Variants in CCR7 observed in about 807,000 individuals in gnomAD.
The protein encoded by CCR7 is C-C chemokine receptor type 7.
A neutral mutation model predicts 26.0 loss-of-function variants in CCR7; 11 were observed. The observed-to-expected ratio is 0.42, with a 90% CI of 0.27 to 0.70. CCR7 has a LOEUF of 0.70. Among genes scored for constraint, CCR7 ranks in the 30% least tolerant of loss-of-function variants. The pLI, the probability that CCR7 is intolerant of heterozygous loss-of-function variation, is 0.23. For synonymous variants in CCR7, 189 were observed against 202.1 expected, an observed-to-expected ratio of 0.94 and a Z score of 0.55; for missense variants, 360 against 504.0, an observed-to-expected ratio of 0.71 and a Z score of 2.74.
chr17:40,555,706 G>C lies in CCR7; in HGVS notation c.173C>G (p.Ala58Gly), dbSNP rs1412136603. The C allele has an allele frequency of 1.2e-6, 2 of 1,613,990 alleles. No individual in the cohort carries two copies. The highest frequency in any genetic ancestry group is 1.7e-6 in the Non-Finnish European group (2 of 1,179,996). ...CSKKDVRNFKAWFLPIMYSII... is the reference protein window; with the variant it reads ...CSKKDVRNFKGWFLPIMYSII... ...GGAGTACATGATAGGGAGGAACCAG[G>C]CTTTAAAGTTCCGCACGTCCTTCTT... Residue 58 changes from alanine to glycine, a missense_variant, in exon 3 of 3, where the codon GCC becomes GGC. Ala to Gly is a moderately conservative substitution (Grantham distance 60). Coordinates refer to ENST00000246657, the MANE Select transcript of CCR7 (RefSeq NM_001838.4). This position sits in a 1 kb window ranked among gnomAD's most constrained non-coding sequence, Gnocchi z 5.6.
In CCR7 at chr17:40,554,602, A is replaced by T. The variant is rs2036556635; in HGVS notation, c.*140T>A. 2 of 697,510 alleles carry T rather than the reference A, an allele frequency of 2.9e-6. No homozygotes were observed. The highest frequency in any genetic ancestry group is 5.0e-6 in the Non-Finnish European group (2 of 401,094). 43.2% of individuals were successfully genotyped at this position (697,510 alleles called of 1,614,324 possible). A position where few individuals can be genotyped will look rare whatever the true frequency, so the allele number is the denominator to read the frequency against. On this transcript the variant is annotated 3_prime_UTR_variant, in exon 3 of 3. Coordinates refer to ENST00000246657, the MANE Select transcript of CCR7 (RefSeq NM_001838.4). ...TTGGGGTGAAGCTATCTTCTGGAGC[A>T]GGGGCTTGCACTCTGAGGGGAGAGC...
chr17:40,556,876 T>C (rs2036592620), intron 2 of CCR7, among the ~76,000 whole-genome samples: 1 of 152,152 alleles, frequency 6.6e-6, no homozygotes, highest in Non-Finnish European at 1.5e-5. Flanking sequence ...GGCAAACTGC[T>C]GTGATCATGG....
At chr17:40,559,431 A>G (rs1444490006) in intron 1 of CCR7, among the ~76,000 whole-genome samples, 2 of 152,248 alleles carry the variant, frequency 1.3e-5, no homozygotes, top group South Asian at 2.1e-4. Context: ...CCTGGCATCC[A>G]GGTGAGTGCG....
intron 1 of CCR7, among the ~76,000 whole-genome samples, chr17:40,563,963 C>A (rs1223933581): frequency 6.6e-6 from 1 of 152,066 alleles, no homozygotes; most frequent in East Asian, 1.9e-4. Flanking sequence ...TACCAGTGCT[C>A]CACCCCGGGG....
In CCR7 at chr17:40,557,365, C is replaced by T. The variant is rs142301435; in HGVS notation, c.60+1528G>A. Among the ~76,000 whole-genome samples, 19 of 152,370 alleles carry T rather than the reference C, an allele frequency of 1.2e-4. No homozygotes were observed. In the East Asian group the frequency reaches 1.5e-3, roughly 12 times the overall value. On this transcript the variant is annotated intron_variant, in intron 2 of 2. Coordinates refer to ENST00000246657, the MANE Select transcript of CCR7 (RefSeq NM_001838.4). ...GGAACCAGATTCAGCAGCTCAGCGA[C>T]GGTGGGTTTCTATCCATTTATGCTG...
rs557760418 is a variant in CCR7, at chr17:40,558,881, A to G, written c.60+12T>C. On this transcript the variant is annotated intron_variant, in intron 2 of 2. Transcript: ENST00000246657. ...AGAAGGGAACAGAGCTTTCCTTGGC[A>G]GAGAACCTCACCTGGAAAATGACAA... The G allele has an allele frequency of 5.6e-6, 9 of 1,612,880 alleles. No individual in the cohort carries two copies. In the African/African-American group the frequency reaches 8.0e-5, roughly 14 times the overall value.
rs533358233 is a variant in CCR7 at position 40,559,293 on chromosome 17, T to G, written c.11-351A>C. On this transcript the variant is annotated intron_variant, in intron 1 of 2. Coordinates refer to ENST00000246657, the MANE Select transcript of CCR7 (RefSeq NM_001838.4). ...ACCCCTCAAGACTGAGCTTGGTTGGTGGGTCTGAGTGCCCCCTCCCACTCC... is the reference window on the plus strand; with the variant it reads ...ACCCCTCAAGACTGAGCTTGGTTGGGGGGTCTGAGTGCCCCCTCCCACTCC... Among the ~76,000 whole-genome samples, 8 of 152,260 alleles carry G rather than the reference T, an allele frequency of 5.3e-5. No individual in the cohort carries two copies. The East Asian group carries it at 1.5e-3, about 29-fold the overall frequency.
chr17:40,565,290 G>A lies in CCR7; in HGVS notation c.10+110C>T. The A allele has an allele frequency of 1.1e-5, 10 of 946,622 alleles. No homozygotes were observed. The South Asian group carries it at 1.3e-4, about 12-fold the overall frequency. The allele number at this position is 946,622 out of a possible 1,614,324, so 58.6% of individuals were successfully genotyped here. On this transcript the variant is annotated intron_variant, in intron 1 of 2. Transcript: ENST00000246657. ...CACCAAATCAGAACTGATTTCTCCAGGAAGCACCCCTATGCGCTCCACCCG... is the reference window on the plus strand; with the variant it reads ...CACCAAATCAGAACTGATTTCTCCAAGAAGCACCCCTATGCGCTCCACCCG...
chr17:40,556,205 G>C (rs192480750), intron 2 of CCR7, among the ~76,000 whole-genome samples: 1 of 152,112 alleles, frequency 6.6e-6, no homozygotes, highest in Admixed American at 6.5e-5. Context: ...AAATTCTCAG[G>C]CCCCACCTGA....
Position 40,555,960 on chromosome 17 carries a change from C to T in CCR7, c.61-142G>A, listed in dbSNP as rs2036583349. ...TCACTCTGTTGCCCAGGCTGGAGTG[C>T]AGTGGTGCAATCATGGCTCCCTGCA... On this transcript the variant is annotated intron_variant, in intron 2 of 2. Coordinates refer to ENST00000246657, the MANE Select transcript of CCR7 (RefSeq NM_001838.4). The surrounding 1 kb of genome is among the most constrained non-coding windows in gnomAD (Gnocchi z 5.6). 1 of 606,856 alleles carries T rather than the reference C, an allele frequency of 1.6e-6. No homozygotes were observed. Among genetic ancestry groups the T allele is most frequent in the Non-Finnish European group, 2.9e-6 (1 of 349,946 alleles). 37.6% of individuals were successfully genotyped at this position (606,856 alleles called of 1,614,324 possible).
chr17:40,556,887 G>A (rs199679965), intron 2 of CCR7, among the ~76,000 whole-genome samples: 2 of 152,184 alleles, frequency 1.3e-5, no homozygotes, highest in East Asian at 1.9e-4. Flanking sequence ...GTGATCATGG[G>A]TGGTGGGTGA....
chr17:40,564,544 A>G (rs2036687736), intron 1 of CCR7, among the ~76,000 whole-genome samples: 1 of 152,212 alleles, frequency 6.6e-6, no homozygotes, highest in African/African-American at 2.4e-5. Flanking sequence ...CTGACTCCAC[A>G]GCTGAGATTT....
intron 2 of CCR7, 122 bp downstream of exon 2, chr17:40,558,771 G>A (rs1318720950): frequency 1.3e-6 from 1 of 796,288 alleles, no homozygotes; most frequent in Admixed American, 2.0e-5. Flanking sequence ...CTTAATGAGT[G>A]GCAGGCGGGC....
At chr17:40,564,364 AAG>A (rs748617341) in intron 1 of CCR7, among the ~76,000 whole-genome samples, 14 of 152,334 alleles carry the variant, frequency 9.2e-5, no homozygotes, top group South Asian at 4.1e-4. Context: ...GCGGGAAAGT[AAG>A]AGATGAAATC....
In CCR7 at chr17:40,555,295, A is replaced by G; in HGVS notation, c.584T>C (p.Leu195Pro). ...GCTGCTCCTCTGGAGGTCACTGTAC[A>G]GGAGCTCTGGGATGGAGAGCACTGT... The part of the protein sequence containing the change: ...LATVLSIPEL[L>P]YSDLQRSSSE... The change falls in exon 3 of 3, where the codon CTG becomes CCG. Residue 195 changes from leucine to proline, a missense_variant. Leu to Pro is a moderately conservative substitution (Grantham distance 98). Transcript: ENST00000246657. The surrounding 1 kb of genome is among the most constrained non-coding windows in gnomAD (Gnocchi z 5.6). The G allele has an allele frequency of 6.2e-7, 1 of 1,614,202 alleles. No individual in the cohort carries two copies. The highest frequency in any genetic ancestry group is 8.5e-7 in the Non-Finnish European group (1 of 1,180,036).
intron 1 of CCR7, among the ~76,000 whole-genome samples, chr17:40,563,212 C>T (rs541897770): frequency 6.6e-6 from 1 of 152,278 alleles, no homozygotes; most frequent in East Asian, 1.9e-4. Context: ...TGAGAGTTGC[C>T]TGAATGTCCG....
chr17:40,555,887 G>A lies in CCR7; in HGVS notation c.61-69C>T. ...TGGCTCCAACTCTGGCTGGGATTTA[G>A]CCTAGAGCAGTGGTTTCTTTCTTTT... On this transcript the variant is annotated intron_variant, in intron 2 of 2. Coordinates refer to ENST00000246657, the MANE Select transcript of CCR7 (RefSeq NM_001838.4). The surrounding 1 kb of genome is among the most constrained non-coding windows in gnomAD (Gnocchi z 5.6). 4 of 1,040,464 alleles carry A rather than the reference G, an allele frequency of 3.8e-6. No individual in the cohort carries two copies. Among genetic ancestry groups the A allele is most frequent in the Non-Finnish European group, 5.8e-6 (4 of 695,386 alleles). The allele number at this position is 1,040,464 out of a possible 1,614,324, so 64.5% of individuals were successfully genotyped here.
Position 40,554,972 on chromosome 17 carries a change from G to C in CCR7, c.907C>G (p.Gln303Glu). 3 of 1,614,246 alleles carry C rather than the reference G, an allele frequency of 1.9e-6. No homozygotes were observed. Among genetic ancestry groups the C allele is most frequent in the Non-Finnish European group, 2.5e-6 (3 of 1,180,046 alleles). The change falls in exon 3 of 3, where the codon CAA becomes GAA. Residue 303 changes from glutamine (Q) to glutamate (E), a missense_variant. Coordinates refer to ENST00000246657, the MANE Select transcript of CCR7 (RefSeq NM_001838.4). ...ITSSTCELSK[Q>E]LNIAYDVTYS... ...GTGACGTCGTAGGCGATGTTGAGTT[G>C]CTTACTGAGCTCACAGGTGCTACTG... is the stretch of plus-strand genomic sequence containing the variant.
rs759442446 is a variant in CCR7 at position 40,555,258 on chromosome 17, C to T, written c.621G>A (p.Ala207=). The change falls in exon 3 of 3, where the codon GCG becomes GCA. Residue 207 remains alanine (A), a synonymous_variant. Coordinates refer to ENST00000246657, the MANE Select transcript of CCR7 (RefSeq NM_001838.4). This position sits in a 1 kb window ranked among gnomAD's most constrained non-coding sequence, Gnocchi z 5.6. ...SDLQRSSSEQ[A]MRCSLITEHV... Reference sequence around the variant, plus strand: ...GCTCTGTGATGAGAGAGCATCGCATCGCTTGCTCACTGCTGCTCCTCTGGA... The same window carrying T: ...GCTCTGTGATGAGAGAGCATCGCATTGCTTGCTCACTGCTGCTCCTCTGGA... The T allele has an allele frequency of 1.7e-5, 28 of 1,613,994 alleles. No individual in the cohort carries two copies. In the African/African-American group the frequency reaches 2.5e-4, roughly 15 times the overall value.
Sources: gnomAD v4.1 joint callset for allele counts (sites outside exome capture counted in the v4.1 genomes callset) on GRCh38, gnomAD v4.1.1 for gene constraint, Gnocchi (gnomAD v3.1) non-coding constraint, MANE v1.5 for transcripts, NCBI Gene and HGNC (gene_info 2026-07-23, HGNC 2026-07-21) for gene names.